CCDC7: variants seen among roughly 807,000 people sequenced by gnomAD.
The protein encoded by CCDC7 is coiled-coil domain-containing protein 7.
Under a neutral mutation model 196.9 loss-of-function variants are expected in CCDC7, and 183 were observed. The observed-to-expected ratio is 0.93, with a 90% CI of 0.82 to 1.05. CCDC7 has a LOEUF of 1.05. Among genes scored for constraint, CCDC7 ranks in the 50% least tolerant of loss-of-function variants. The pLI, the probability that CCDC7 is intolerant of heterozygous loss-of-function variation, is 0.00. For synonymous variants in CCDC7, 525 were observed against 484.6 expected (o/e 1.08, Z -1.10); for missense variants, 1,540 against 1,482.2 (o/e 1.04, Z -0.64).
intron 20 of CCDC7, among the ~76,000 whole-genome samples, chr10:32,662,685 G>C (rs1488793915): frequency 6.6e-6 from 1 of 152,186 alleles, no homozygotes; most frequent in Non-Finnish European, 1.5e-5. Context: ...CACTCTGACT[G>C]CTAATGAAAT....
chr10:32,587,605 C>T (rs2059411169), intron 18 of CCDC7, among the ~76,000 whole-genome samples: 1 of 152,204 alleles, frequency 6.6e-6, no homozygotes. Flanking sequence ...TCAAAGCACA[C>T]ACTGATTTGT....
chr10:32,687,414 G>A (rs1406929197), intron 22 of CCDC7, among the ~76,000 whole-genome samples: 2 of 152,154 alleles, frequency 1.3e-5, no homozygotes, highest in Non-Finnish European at 2.9e-5. Context: ...TGTGATTGGG[G>A]ATTCACACAG....
exon 23 of CCDC7, chr10:32,689,057 T>C: frequency 6.4e-7 from 1 of 1,573,670 alleles, no homozygotes; most frequent in Non-Finnish European, 8.7e-7. Context: ...CTGTAGCTCC[T>C]GATAAAGAAC....
At chr10:32,756,978 A>G (rs185481666) in intron 28 of CCDC7, among the ~76,000 whole-genome samples, 2 of 152,220 alleles carry the variant, frequency 1.3e-5, no homozygotes, top group Non-Finnish European at 2.9e-5. Context: ...CAGACTTTAA[A>G]CCAACAAAGA....
chr10:32,570,477 A>G (rs901068196), intron 15 of CCDC7, among the ~76,000 whole-genome samples: 1 of 152,176 alleles, frequency 6.6e-6, no homozygotes, highest in Non-Finnish European at 1.5e-5. Flanking sequence ...AAAATGTATG[A>G]TGGCTCAAAC....
exon 31 of CCDC7, chr10:32,814,440 A>C (rs775050664): frequency 6.2e-7 from 1 of 1,609,746 alleles, no homozygotes; most frequent in South Asian, 1.1e-5. Flanking sequence ...AGACACGATC[A>C]AAGAGTCTCC....
At chr10:32,858,842 A>AG (rs2093861847) in intron 41 of CCDC7, among the ~76,000 whole-genome samples, 1 of 152,094 alleles carries the variant, frequency 6.6e-6, no homozygotes, top group Admixed American at 6.6e-5. Flanking sequence ...TAATGGTAAA[A>AG]GGATCAAAGC....
At chr10:32,444,437 T>C (rs1175972738), upstream of CCDC7, among the ~76,000 whole-genome samples, 1 of 152,232 alleles carries the variant, frequency 6.6e-6, no homozygotes, top group Non-Finnish European at 1.5e-5. Flanking sequence ...GCCACAGATA[T>C]GAATGGTGAA....
intron 29 of CCDC7, among the ~76,000 whole-genome samples, chr10:32,797,883 T>C (rs1438145771): frequency 6.6e-6 from 1 of 152,152 alleles, no homozygotes; most frequent in Admixed American, 6.5e-5. Flanking sequence ...TGCCACCTAA[T>C]TGGCATTGTA....
chr10:32,451,268 T>A (rs1189512403), upstream of CCDC7, among the ~76,000 whole-genome samples: 3 of 152,192 alleles, frequency 2.0e-5, no homozygotes, highest in Non-Finnish European at 4.4e-5. Flanking sequence ...CTGAGCTCAG[T>A]TTACTCTACT....
intron 21 of CCDC7, among the ~76,000 whole-genome samples, chr10:32,672,755 T>C (rs989485476): frequency 1.3e-5 from 2 of 152,146 alleles, no homozygotes; most frequent in Admixed American, 1.3e-4. Context: ...GTCTAAGATA[T>C]GCTGACCTCA....
chr10:32,741,180 A>T (rs1335995), intron 28 of CCDC7, among the ~76,000 whole-genome samples: 1 of 152,116 alleles, frequency 6.6e-6, no homozygotes. Context: ...CCTAGGTAGT[A>T]GATTAAAAAC....
At position 32,567,924 on chromosome 10, in the gene CCDC7, T is replaced by C. The variant is rs763280413; in HGVS notation, c.1419+33T>C. 6 of 1,555,130 alleles carry C rather than the reference T, an allele frequency of 3.9e-6. No homozygotes were observed. In the African/African-American group the frequency reaches 8.3e-5, roughly 21 times the overall value. Reference sequence around the variant, plus strand: ...AATAACCAAAATGGAGACAGTAGTATATGTTGTGAGAAATTTGTCTTTTAT... The same window carrying C: ...AATAACCAAAATGGAGACAGTAGTACATGTTGTGAGAAATTTGTCTTTTAT... On this transcript the variant is annotated intron_variant, in intron 15 of 41. Coordinates refer to ENST00000639629, the Ensembl canonical transcript of CCDC7.
intron 8 of CCDC7, among the ~76,000 whole-genome samples, chr10:32,490,484 T>G (rs1353414154): frequency 6.6e-6 from 1 of 152,236 alleles, no homozygotes; most frequent in Non-Finnish European, 1.5e-5. Flanking sequence ...TATGCTATGA[T>G]CAGATTACTC....
At chr10:32,629,497 A>G (rs1473903663) in intron 18 of CCDC7, among the ~76,000 whole-genome samples, 1 of 152,064 alleles carries the variant, frequency 6.6e-6, no homozygotes, top group Non-Finnish European at 1.5e-5. Flanking sequence ...CTTGATGTGC[A>G]TATAAACTAC....
intron 13 of CCDC7, among the ~76,000 whole-genome samples, chr10:32,563,797 A>G (rs1176686957): frequency 1.3e-5 from 2 of 152,098 alleles, no homozygotes; most frequent in African/African-American, 4.8e-5. Context: ...AAAATTGACA[A>G]ATGGGATCTA....
chr10:32,486,956 G>A (rs1316872718), intron 8 of CCDC7, among the ~76,000 whole-genome samples: 2 of 151,918 alleles, frequency 1.3e-5, no homozygotes, highest in Non-Finnish European at 2.9e-5. Flanking sequence ...TGGTGAATCT[G>A]ACAATTATAT....
chr10:32,482,897 A>G (rs1480871173), intron 8 of CCDC7, among the ~76,000 whole-genome samples: 1 of 152,070 alleles, frequency 6.6e-6, no homozygotes, highest in East Asian at 1.9e-4. Flanking sequence ...CCAGTCTATC[A>G]TTGTTGGACA....
At chr10:32,707,206 C>G (rs2079929483) in intron 24 of CCDC7, among the ~76,000 whole-genome samples, 1 of 151,754 alleles carries the variant, frequency 6.6e-6, no homozygotes, top group Non-Finnish European at 1.5e-5. Flanking sequence ...ATAAACAGAA[C>G]CAAAGTCAAG....
Sources: allele counts gnomAD v4.1 joint callset (sites outside exome capture counted in the v4.1 genomes callset), GRCh38; gene constraint gnomAD v4.1.1; transcripts MANE v1.5; gene names NCBI Gene and HGNC (gene_info 2026-07-23, HGNC 2026-07-21).